CACNA2D1: variants seen among roughly 807,000 people sequenced by gnomAD.
CACNA2D1 encodes voltage-dependent calcium channel subunit alpha-2/delta-1.
A neutral mutation model predicts 171.5 loss-of-function variants in CACNA2D1; 53 were observed. The ratio of observed to expected loss-of-function variants is 0.31; its 90% confidence interval spans 0.25 to 0.39. CACNA2D1 has a LOEUF of 0.39. Ranked by LOEUF, CACNA2D1 falls within the 10% of genes least tolerant of loss-of-function variation. The probability of loss-of-function intolerance (pLI) is 1.00; values close to 1 mark genes in which losing one functional copy is unlikely to be tolerated. For synonymous variants in CACNA2D1, 442 were observed against 443.1 expected (o/e 1.00, Z 0.03); for missense variants, 903 against 1,299.8 (o/e 0.69, Z 4.69).
At position 82,416,215 on chromosome 7, in the gene CACNA2D1, A is replaced by T. The variant is rs1448796156; in HGVS notation, c.95+27150T>A. ...GGGTAACAGCGCGAGACTCTGTCTC[A>T]AAAAATAATAATAATAATAATAATA... On this transcript the variant is annotated intron_variant, in intron 1 of 38. Transcript: ENST00000356860. Among the ~76,000 whole-genome samples, 6 of 151,932 alleles carry T rather than the reference A, an allele frequency of 3.9e-5. No homozygotes were observed. In the East Asian group the frequency reaches 1.2e-3, roughly 29 times the overall value.
chr7:82,290,577 AT>A (rs1224439967), intron 3 of CACNA2D1, among the ~76,000 whole-genome samples: 2 of 125,614 alleles, frequency 1.6e-5, no homozygotes, highest in East Asian at 2.2e-4. Flanking sequence ...CAGGTCGTAT[AT>A]TAAAAAAAAA....
At chr7:82,004,960 C>T (rs1798978943) in intron 18 of CACNA2D1, among the ~76,000 whole-genome samples, 1 of 152,152 alleles carries the variant, frequency 6.6e-6, no homozygotes, top group Non-Finnish European at 1.5e-5. Flanking sequence ...TCTCTTACAT[C>T]TGTTTACAGG....
chr7:82,443,757 C>T lies in CACNA2D1; in HGVS notation c.-298G>A. ...TGGAAACAGACCTCGGCGAGCCCGC[C>T]GGCGCTCGCGCGCTCTCGCTCTCCC... On this transcript the variant is annotated 5_prime_UTR_variant, in exon 1 of 39. Transcript: ENST00000356860. 1 of 1,152,936 alleles carries T rather than the reference C, an allele frequency of 8.7e-7. No individual in the cohort carries two copies. The highest frequency in any genetic ancestry group is 1.1e-6 in the Non-Finnish European group (1 of 916,882). The allele number at this position is 1,152,936 out of a possible 1,614,324, so 71.4% of individuals were successfully genotyped here.
chr7:82,306,354 TAAG>T (rs1044606461), intron 3 of CACNA2D1, among the ~76,000 whole-genome samples: 20 of 152,194 alleles, frequency 1.3e-4, no homozygotes, highest in South Asian at 2.1e-4. Flanking sequence ...GAATATGTCT[TAAG>T]AAGAAGTTCC....
intron 5 of CACNA2D1, among the ~76,000 whole-genome samples, chr7:82,121,619 G>A (rs1211034276): frequency 6.6e-6 from 1 of 152,142 alleles, no homozygotes; most frequent in Non-Finnish European, 1.5e-5. Context: ...GTATTTGGTA[G>A]ATGAATAGAT....
At chr7:82,101,517 T>C (rs888953487) in intron 6 of CACNA2D1, among the ~76,000 whole-genome samples, 4 of 152,204 alleles carry the variant, frequency 2.6e-5, no homozygotes, top group Non-Finnish European at 4.4e-5. Flanking sequence ...AAGTATACTT[T>C]ATTGATAAAT....
intron 3 of CACNA2D1, among the ~76,000 whole-genome samples, chr7:82,300,188 G>T (rs906129136): frequency 1.3e-5 from 2 of 151,558 alleles, no homozygotes; most frequent in Non-Finnish European, 2.9e-5. Flanking sequence ...AAAGCACGAA[G>T]TTAGGGAATT....
At chr7:81,966,503 T>G (rs976645404) in intron 31 of CACNA2D1, among the ~76,000 whole-genome samples, 2 of 151,436 alleles carry the variant, frequency 1.3e-5, no homozygotes, top group Non-Finnish European at 3.0e-5. Context: ...ATGAACCCCC[T>G]GCTTCCCTTG....
chr7:82,038,716 T>C (rs1803606382), intron 10 of CACNA2D1, among the ~76,000 whole-genome samples: 1 of 152,320 alleles, frequency 6.6e-6, no homozygotes, highest in South Asian at 2.1e-4. Flanking sequence ...CTGATGGTAC[T>C]GTCTTTCTAC....
intron 6 of CACNA2D1, among the ~76,000 whole-genome samples, chr7:82,109,221 G>A (rs1249425375): frequency 6.7e-6 from 1 of 149,690 alleles, no homozygotes; most frequent in African/African-American, 2.4e-5. Flanking sequence ...CAGAATTAAA[G>A]AACCCTTTTT....
Position 81,962,462 on chromosome 7 carries a change from G to T in CACNA2D1, c.2814C>A (p.Thr938=). The change falls in exon 35 of 39, where the codon ACC becomes ACA. Residue 938 remains threonine, a synonymous_variant. Coordinates refer to ENST00000356860, the MANE Select transcript of CACNA2D1 (RefSeq NM_000722.4). The part of the protein sequence containing the change: ...SILQQFLLSL[T]FPRLLEAVEM... ...TACCTGCCTCAAGGAGTCGTGGAAA[G>T]GTCAAACTCAAGAGAAACTGCTGTA... 1 of 1,605,100 alleles carries T rather than the reference G, an allele frequency of 6.2e-7. No homozygotes were observed. The highest frequency in any genetic ancestry group is 8.5e-7 in the Non-Finnish European group (1 of 1,175,172).
intron 35 of CACNA2D1, 60 bp from the exon 36 acceptor site, chr7:81,962,083 C>A: frequency 6.5e-7 from 1 of 1,540,686 alleles, no homozygotes; most frequent in South Asian, 1.1e-5. Context: ...TCTCTGTAGT[C>A]ACTCCCCTCG....
chr7:82,015,199 A>T (rs1800304186), intron 12 of CACNA2D1, among the ~76,000 whole-genome samples: 1 of 152,240 alleles, frequency 6.6e-6, no homozygotes, highest in African/African-American at 2.4e-5. Flanking sequence ...ATAGGTATGT[A>T]GTAATGAAAA....
chr7:81,953,546 G>A (rs1326732093), intron 38 of CACNA2D1, among the ~76,000 whole-genome samples: 2 of 140,000 alleles, frequency 1.4e-5, no homozygotes, highest in Non-Finnish European at 3.1e-5. Context: ...AGTAACAATT[G>A]AATATCAGAT....
At chr7:82,386,764 A>AAATG (rs1824450148) in intron 1 of CACNA2D1, among the ~76,000 whole-genome samples, 1 of 146,278 alleles carries the variant, frequency 6.8e-6, no homozygotes, top group Non-Finnish European at 1.5e-5. Context: ...ATAAATAAAT[A>AAATG]AATAAATAAA....
At chr7:82,221,420 T>C (rs1279077792) in intron 3 of CACNA2D1, among the ~76,000 whole-genome samples, 1 of 152,210 alleles carries the variant, frequency 6.6e-6, no homozygotes, top group African/African-American at 2.4e-5. Context: ...GTAGATTCTC[T>C]AATTCCGATT....
intron 12 of CACNA2D1, among the ~76,000 whole-genome samples, chr7:82,025,979 C>T (rs1311189772): frequency 6.7e-6 from 1 of 150,126 alleles, no homozygotes; most frequent in Admixed American, 6.7e-5. Flanking sequence ...TGGGTGCATA[C>T]ATCTTTGTTA....
At chr7:82,321,785 A>G (rs1815927530) in intron 3 of CACNA2D1, among the ~76,000 whole-genome samples, 1 of 152,158 alleles carries the variant, frequency 6.6e-6, no homozygotes, top group African/African-American at 2.4e-5. Context: ...AAAAGAAAAC[A>G]TGTTTCAATT....
At chr7:82,143,605 G>C (rs1248319420) in intron 4 of CACNA2D1, among the ~76,000 whole-genome samples, 2 of 152,052 alleles carry the variant, frequency 1.3e-5, no homozygotes, top group East Asian at 3.9e-4. Context: ...TGATTTATAA[G>C]AAAGCCTAAT....
Sources: allele counts gnomAD v4.1 joint callset (sites outside exome capture counted in the v4.1 genomes callset), GRCh38; gene constraint gnomAD v4.1.1; transcripts MANE v1.5; gene names NCBI Gene and HGNC (gene_info 2026-07-23, HGNC 2026-07-21).